EPHA6: variants seen among roughly 807,000 people sequenced by gnomAD.
EPHA6 encodes ephrin type-A receptor 6.
EPHA6 carries 50 observed loss-of-function variants against 112.0 expected under a neutral mutation model. The observed-to-expected ratio is 0.45, with a 90% CI of 0.36 to 0.56. The LOEUF is 0.56. Ranked by LOEUF, EPHA6 falls within the 20% of genes least tolerant of loss-of-function variation. The pLI, the probability that EPHA6 is intolerant of heterozygous loss-of-function variation, is 0.00. For synonymous variants in EPHA6, 529 were observed against 490.7 expected (o/e 1.08, Z -1.03); for missense variants, 1,280 against 1,417.4 (o/e 0.90, Z 1.56).
chr3:97,364,151 C>T (rs560938489), intron 5 of EPHA6, among the ~76,000 whole-genome samples: 7 of 151,766 alleles, frequency 4.6e-5, no homozygotes, highest in Non-Finnish European at 7.4e-5. Flanking sequence ...ATAATTTAAA[C>T]GGTACATTTA....
chr3:96,889,028 A>G (rs1247412687), intron 2 of EPHA6, among the ~76,000 whole-genome samples: 1 of 152,094 alleles, frequency 6.6e-6, no homozygotes, highest in Non-Finnish European at 1.5e-5. Flanking sequence ...AAGTTCCACA[A>G]ATCCGGGGCA....
At chr3:97,044,967 T>G (rs2045451430) in intron 3 of EPHA6, among the ~76,000 whole-genome samples, 1 of 152,126 alleles carries the variant, frequency 6.6e-6, no homozygotes, top group Admixed American at 6.6e-5. Context: ...ACTCTTCTCA[T>G]ATGGATAAAT....
chr3:97,186,214 A>C (rs550428411), intron 3 of EPHA6, among the ~76,000 whole-genome samples: 1 of 105,760 alleles, frequency 9.5e-6, no homozygotes, highest in Admixed American at 1.2e-4. Context: ...AAGTATAATA[A>C]AAAAAAATGT....
At position 97,757,276 on chromosome 3, in the gene EPHA6, G is replaced by A. The variant is rs1340334445; in HGVS notation, c.*8575G>A. Among the ~76,000 whole-genome samples the A allele has an allele frequency of 6.6e-6, 1 of 151,700 alleles. No homozygotes were observed. The highest frequency in any genetic ancestry group is 2.4e-5 in the African/African-American group (1 of 41,390). On this transcript the variant is annotated 3_prime_UTR_variant, in exon 18 of 18. Coordinates refer to ENST00000389672, the MANE Select transcript of EPHA6 (RefSeq NM_001080448.3). ...TGAAACTAAAGTGCATTTCAAGGAT[G>A]GGAATCTCTAATATAAATGAGTACA...
chr3:96,914,294 G>C (rs764070402), intron 2 of EPHA6, among the ~76,000 whole-genome samples: 1 of 151,918 alleles, frequency 6.6e-6, no homozygotes, highest in Non-Finnish European at 1.5e-5. Flanking sequence ...TAATTGTCTT[G>C]ATTAATGACA....
At chr3:97,067,212 A>G (rs1257849686) in intron 3 of EPHA6, among the ~76,000 whole-genome samples, 1 of 152,102 alleles carries the variant, frequency 6.6e-6, no homozygotes, top group Non-Finnish European at 1.5e-5. Flanking sequence ...TAAATTGCAT[A>G]CTTTACATCA....
chr3:97,382,172 T>C (rs1303121774), intron 5 of EPHA6, among the ~76,000 whole-genome samples: 4 of 152,078 alleles, frequency 2.6e-5, no homozygotes, highest in African/African-American at 7.2e-5. Context: ...AGATTTAAAT[T>C]ACAGTAACTG....
intron 6 of EPHA6, 126 bp from the exon 7 acceptor site, chr3:97,448,442 A>C: frequency 1.0e-6 from 1 of 980,086 alleles, no homozygotes; most frequent in Admixed American, 2.5e-5. Context: ...AACCATGCTA[A>C]CACTACTTTG....
intron 3 of EPHA6, among the ~76,000 whole-genome samples, chr3:97,000,308 T>C: frequency 2.0e-5 from 2 of 101,178 alleles, no homozygotes; most frequent in African/African-American, 4.8e-5. Context: ...TATAGCCATA[T>C]ATAGCCACTC....
intron 6 of EPHA6, among the ~76,000 whole-genome samples, chr3:97,419,733 AAAAAC>A (rs1409769126): frequency 6.6e-6 from 1 of 152,186 alleles, no homozygotes; most frequent in Non-Finnish European, 1.5e-5. Context: ...GAGAAAATAA[AAAAAC>A]AAAGACAAAA....
intron 13 of EPHA6, among the ~76,000 whole-genome samples, chr3:97,614,222 G>A (rs192507924): frequency 5.2e-4 from 79 of 151,498 alleles, no homozygotes; most frequent in Non-Finnish European, 8.7e-4. Flanking sequence ...TATAACATTT[G>A]TTGAATGTTA....
chr3:97,206,157 T>C (rs1241553388), intron 3 of EPHA6, among the ~76,000 whole-genome samples: 1 of 152,146 alleles, frequency 6.6e-6, no homozygotes, highest in Non-Finnish European at 1.5e-5. Context: ...TTGTTTATCT[T>C]TACAATGCCA....
intron 11 of EPHA6, among the ~76,000 whole-genome samples, chr3:97,536,242 G>A (rs892581253): frequency 2.6e-5 from 4 of 151,934 alleles, no homozygotes; most frequent in African/African-American, 7.3e-5. Flanking sequence ...AAAGAGCTAC[G>A]GTTCTACAAA....
At chr3:96,905,531 G>A (rs1343934253) in intron 2 of EPHA6, among the ~76,000 whole-genome samples, 1 of 151,830 alleles carries the variant, frequency 6.6e-6, no homozygotes, top group Non-Finnish European at 1.5e-5. Context: ...ATGAAATTAA[G>A]CTAAAATTAT....
intron 15 of EPHA6, among the ~76,000 whole-genome samples, chr3:97,735,562 T>C (rs966876403): frequency 1.9e-4 from 29 of 152,062 alleles, no homozygotes; most frequent in Non-Finnish European, 4.4e-5. Flanking sequence ...ACATTTGTTA[T>C]ATGTTATTTG....
chr3:97,017,574 C>G (rs189085067), intron 3 of EPHA6, among the ~76,000 whole-genome samples: 2 of 152,292 alleles, frequency 1.3e-5, no homozygotes, highest in East Asian at 3.9e-4. Context: ...TAGGGCTGAA[C>G]TGGACTCACA....
At chr3:97,049,639 T>A (rs2045622662) in intron 3 of EPHA6, among the ~76,000 whole-genome samples, 1 of 152,274 alleles carries the variant, frequency 6.6e-6, no homozygotes. Flanking sequence ...TACCTGAGAC[T>A]GGGTAATTTA....
intron 4 of EPHA6, among the ~76,000 whole-genome samples, chr3:97,233,993 C>G (rs2078609530): frequency 6.6e-6 from 1 of 152,094 alleles, no homozygotes; most frequent in South Asian, 2.1e-4. Flanking sequence ...ACAACAGCAA[C>G]AAACCTAAAA....
chr3:96,860,241 A>G (rs2035932604), intron 1 of EPHA6, among the ~76,000 whole-genome samples: 1 of 152,144 alleles, frequency 6.6e-6, no homozygotes, highest in Non-Finnish European at 1.5e-5. Flanking sequence ...GGGAACAAAC[A>G]AAACTGCAGG....
Sources: gnomAD v4.1 joint callset for allele counts (sites outside exome capture counted in the v4.1 genomes callset) on GRCh38, gnomAD v4.1.1 for gene constraint, MANE v1.5 for transcripts, NCBI Gene and HGNC (gene_info 2026-07-23, HGNC 2026-07-21) for gene names.